The following SPICE1 variants were observed in gnomAD, a reference collection of about 807,000 sequenced individuals.
SPICE1 encodes spindle and centriole associated protein 1.
A neutral mutation model predicts 102.7 loss-of-function variants in SPICE1; 75 were observed. The observed-to-expected ratio is 0.73, with a 90% CI of 0.61 to 0.88. The LOEUF (loss-of-function observed/expected upper bound fraction) is 0.88, where lower values mean the gene tolerates loss of function less well. Among genes scored for constraint, SPICE1 ranks in the 40% least tolerant of loss-of-function variants. SPICE1 has a pLI of 0.00. For missense variants in SPICE1, 979 were observed against 1,020.1 expected (o/e 0.96, Z 0.55); for synonymous variants, 308 against 350.3 (o/e 0.88, Z 1.35).
chr3:113,481,463 C>T (rs1299064794), intron 7 of SPICE1, among the ~76,000 whole-genome samples: 21 of 150,808 alleles, frequency 1.4e-4, no homozygotes, highest in East Asian at 1.2e-3. Flanking sequence ...ATGTGCAGAA[C>T]GTGCAGTTTT....
rs1256573994 is a variant in SPICE1 at position 113,446,690 on chromosome 3, A to T, written c.2427-14T>A. On this transcript the variant is annotated splice_polypyrimidine_tract_variant and intron_variant, in intron 16 of 17. Coordinates refer to ENST00000295872, the MANE Select transcript of SPICE1 (RefSeq NM_144718.4). ...GCCCCGGAAGATCTATTCATGAAAAATAAAACAGAGTAAGAGAGTGAGCTA... is the reference window on the plus strand; with the variant it reads ...GCCCCGGAAGATCTATTCATGAAAATTAAAACAGAGTAAGAGAGTGAGCTA... 2.5e-6 allele frequency: 4 copies of T among 1,596,076 alleles called. No homozygotes were observed. Among genetic ancestry groups the T allele is most frequent in the Middle Eastern group, 3.3e-4 (2 of 6,032 alleles).
intron 14 of SPICE1, among the ~76,000 whole-genome samples, chr3:113,450,848 T>C (rs1478896986): frequency 6.6e-6 from 1 of 152,222 alleles, no homozygotes. Context: ...AATTTTGACT[T>C]ACTAATGGCC....
chr3:113,477,562 T>A (rs1489392374), intron 7 of SPICE1, among the ~76,000 whole-genome samples: 2 of 151,764 alleles, frequency 1.3e-5, no homozygotes, highest in Admixed American at 6.6e-5. Context: ...ATAGACTGGA[T>A]TAAGAAAATG....
intron 7 of SPICE1, among the ~76,000 whole-genome samples, chr3:113,476,095 T>C (rs1308101296): frequency 2.6e-5 from 4 of 152,056 alleles, no homozygotes; most frequent in Non-Finnish European, 5.9e-5. Context: ...AGTCTCAGGA[T>C]ACAAAATCAA....
chr3:113,463,297 G>A (rs558649624), intron 11 of SPICE1, among the ~76,000 whole-genome samples: 1 of 152,278 alleles, frequency 6.6e-6, no homozygotes, highest in East Asian at 1.9e-4. Context: ...TAAGCTCCAT[G>A]AGGGCAAAGT....
At chr3:113,445,778 A>G (rs1935498411) in intron 17 of SPICE1, among the ~76,000 whole-genome samples, 2 of 152,210 alleles carry the variant, frequency 1.3e-5, no homozygotes, top group South Asian at 4.1e-4. Flanking sequence ...GAACTGGACA[A>G]TTCGGGTATC....
At chr3:113,457,533 G>A (rs914708741) in intron 12 of SPICE1, among the ~76,000 whole-genome samples, 176 bp from the exon 13 acceptor site, 2 of 152,128 alleles carry the variant, frequency 1.3e-5, no homozygotes, top group African/African-American at 4.8e-5. Flanking sequence ...TCATGGGCAG[G>A]CTCCTGGGGG....
chr3:113,501,736 G>A (rs1376064031), intron 3 of SPICE1, among the ~76,000 whole-genome samples: 1 of 152,144 alleles, frequency 6.6e-6, no homozygotes, highest in Non-Finnish European at 1.5e-5. Flanking sequence ...CACCTACTAA[G>A]AGAACTAAAA....
intron 14 of SPICE1, among the ~76,000 whole-genome samples, chr3:113,450,766 C>T (rs897202388): frequency 6.6e-6 from 1 of 151,944 alleles, no homozygotes. Flanking sequence ...TTAGCAGAGA[C>T]GGGGTTTCAC....
chr3:113,471,992 C>T (rs1936212567), intron 7 of SPICE1, among the ~76,000 whole-genome samples: 1 of 152,190 alleles, frequency 6.6e-6, no homozygotes, highest in South Asian at 2.1e-4. Flanking sequence ...CAAGGCATTG[C>T]CTCACTTGGG....
chr3:113,513,869 A>G (rs1368889003), intron 1 of SPICE1, among the ~76,000 whole-genome samples: 2 of 152,236 alleles, frequency 1.3e-5, no homozygotes, highest in East Asian at 3.8e-4. Context: ...ATATAACAAG[A>G]AAGTAGAATA....
intron 7 of SPICE1, among the ~76,000 whole-genome samples, chr3:113,488,624 G>A (rs2107490093): frequency 6.6e-6 from 1 of 152,212 alleles, no homozygotes; most frequent in South Asian, 2.1e-4. Flanking sequence ...GGTAGGTGCG[G>A]AATAAAAAAC....
intron 13 of SPICE1, among the ~76,000 whole-genome samples, chr3:113,455,693 A>G (rs1935764973): frequency 6.6e-6 from 1 of 152,262 alleles, no homozygotes. Context: ...TATTCCAAAC[A>G]ATGCTTGAAA....
intron 2 of SPICE1, 33 bp from the exon 3 acceptor site, chr3:113,503,260 A>C (rs762041607): frequency 2.6e-6 from 4 of 1,542,932 alleles, no homozygotes. Flanking sequence ...TTTAAAAAAA[A>C]AAAAAAGTTT....
At position 113,494,618 on chromosome 3, in the gene SPICE1, G is replaced by C. The variant is rs887262145; in HGVS notation, c.292-476C>G. On this transcript the variant is annotated intron_variant, in intron 4 of 17. Coordinates refer to ENST00000295872, the MANE Select transcript of SPICE1 (RefSeq NM_144718.4). ...GCCGAGATCCCGCCACTGCACTCCA[G>C]CCTGGGCGACAGAGCGAGACTCCGT... 4.3e-4 allele frequency among the ~76,000 whole-genome samples: 65 copies of C among 149,834 alleles called. 1 individual carries two copies. Among genetic ancestry groups the C allele is most frequent in the African/African-American group, 1.6e-3 (63 of 40,616 alleles).
intron 3 of SPICE1, among the ~76,000 whole-genome samples, chr3:113,501,800 C>T (rs1360564177): frequency 2.0e-5 from 3 of 152,028 alleles, no homozygotes; most frequent in South Asian, 2.1e-4. Context: ...TACATGCTGG[C>T]GGGGATGTAA....
At chr3:113,459,498 T>C in intron 12 of SPICE1, 1 of 983,692 alleles carries the variant, frequency 1.0e-6, no homozygotes, top group Non-Finnish European at 1.2e-6. Context: ...CTCCCAGCCC[T>C]TCTTACCTAT....
intron 13 of SPICE1, among the ~76,000 whole-genome samples, chr3:113,454,745 G>T (rs566587952): frequency 2.1e-3 from 321 of 151,884 alleles, no homozygotes; most frequent in South Asian, 6.0e-3. Flanking sequence ...TCAGACATTT[G>T]TGTCAGAGCG....
chr3:113,450,757 T>C lies in SPICE1; in HGVS notation c.2143-241A>G, dbSNP rs190408924. Among the ~76,000 whole-genome samples the C allele has an allele frequency of 8.6e-4, 131 of 152,172 alleles. 1 individual carries two copies. In the Middle Eastern group the frequency reaches 0.01, roughly 12 times the overall value. ...ACGCCCAGCTAATTTTTTGTATTTT[T>C]AGCAGAGACGGGGTTTCACCGTGTT... On this transcript the variant is annotated intron_variant, in intron 14 of 17. Transcript: ENST00000295872.
Sources: gnomAD v4.1 joint callset for allele counts (sites outside exome capture counted in the v4.1 genomes callset) on GRCh38, gnomAD v4.1.1 for gene constraint, MANE v1.5 for transcripts, NCBI Gene and HGNC (gene_info 2026-07-23, HGNC 2026-07-21) for gene names.